The following CABLES1 variants were observed in gnomAD, a reference collection of about 807,000 sequenced individuals.
CABLES1 encodes CDK5 and ABL1 enzyme substrate 1.
Under a neutral mutation model 57.8 loss-of-function variants are expected in CABLES1, and 36 were observed. That is an observed-to-expected ratio of 0.62 (90% CI 0.48 to 0.82). The LOEUF (loss-of-function observed/expected upper bound fraction) is 0.82. CABLES1 is among the 40% of genes least tolerant of loss of function. CABLES1 has a pLI of 0.00. For missense variants in CABLES1, 767 were observed against 836.6 expected (o/e 0.92, Z 1.03); for synonymous variants, 374 against 363.0 (o/e 1.03, Z -0.35).
At chr18:23,174,000 G>GTTT (rs2047102388) in intron 1 of CABLES1, among the ~76,000 whole-genome samples, 1 of 152,172 alleles carries the variant, frequency 6.6e-6, no homozygotes, top group East Asian at 1.9e-4. Flanking sequence ...TTGTTCAGTG[G>GTTT]TTTTTAGTAC....
At chr18:23,236,481 T>C (rs1382213143) in intron 6 of CABLES1, among the ~76,000 whole-genome samples, 1 of 152,162 alleles carries the variant, frequency 6.6e-6, no homozygotes, top group Non-Finnish European at 1.5e-5. Context: ...TGAGCTGAGT[T>C]GGCGGCTGAA....
intron 1 of CABLES1, among the ~76,000 whole-genome samples, chr18:23,187,845 C>T (rs542420081): frequency 1.3e-5 from 2 of 152,164 alleles, no homozygotes; most frequent in Non-Finnish European, 2.9e-5. Context: ...AGAAAAAGTA[C>T]ACACAAAATT....
At chr18:23,237,907 C>T (rs2047643459) in intron 7 of CABLES1, among the ~76,000 whole-genome samples, 1 of 151,666 alleles carries the variant, frequency 6.6e-6, no homozygotes, top group Admixed American at 6.6e-5. Flanking sequence ...ACTCTTGCGG[C>T]AAGCAGAGCC....
At chr18:23,160,730 C>T (rs533599951) in intron 1 of CABLES1, among the ~76,000 whole-genome samples, 1 of 152,144 alleles carries the variant, frequency 6.6e-6, no homozygotes, top group Non-Finnish European at 1.5e-5. Context: ...ATCAAAGTCT[C>T]ACTCTGAAAA....
chr18:23,223,732 G>A (rs1301087371), intron 4 of CABLES1, among the ~76,000 whole-genome samples: 4 of 151,770 alleles, frequency 2.6e-5, no homozygotes, highest in Admixed American at 6.6e-5. Context: ...CCACCCACCC[G>A]CACTCATCCA....
intron 1 of CABLES1, among the ~76,000 whole-genome samples, chr18:23,181,081 C>A (rs981608338): frequency 2.6e-5 from 4 of 152,140 alleles, no homozygotes; most frequent in Non-Finnish European, 4.4e-5. Context: ...AGTGGGACTT[C>A]TTGCTGTCCA....
At chr18:23,229,549 C>G (rs2047552319) in intron 4 of CABLES1, among the ~76,000 whole-genome samples, 1 of 152,218 alleles carries the variant, frequency 6.6e-6, no homozygotes. Context: ...TTCTCTAGCT[C>G]TATTTCCTGG....
chr18:23,240,934 T>C (rs1306801938), intron 7 of CABLES1, among the ~76,000 whole-genome samples: 1 of 152,234 alleles, frequency 6.6e-6, no homozygotes, highest in Non-Finnish European at 1.5e-5. Flanking sequence ...GACAATCAGA[T>C]GCACTTGTTT....
intron 1 of CABLES1, among the ~76,000 whole-genome samples, chr18:23,137,590 T>G (rs1189278503): frequency 1.3e-5 from 2 of 152,234 alleles, no homozygotes; most frequent in Non-Finnish European, 2.9e-5. Flanking sequence ...TTATCCCTTC[T>G]GGGAAAGAAT....
At chr18:23,241,288 G>A (rs572060891) in intron 7 of CABLES1, among the ~76,000 whole-genome samples, 1 of 151,980 alleles carries the variant, frequency 6.6e-6, no homozygotes, top group African/African-American at 2.4e-5. Context: ...TTGGGAGGCC[G>A]AGGTGGGTAA....
At chr18:23,201,491 T>A (rs1050890566) in intron 3 of CABLES1, among the ~76,000 whole-genome samples, 1 of 152,062 alleles carries the variant, frequency 6.6e-6, no homozygotes, top group African/African-American at 2.4e-5. Flanking sequence ...AATGAGCCAA[T>A]CACGAAAGGT....
At chr18:23,237,566 C>A (rs2047634520) in intron 7 of CABLES1, among the ~76,000 whole-genome samples, 1 of 152,234 alleles carries the variant, frequency 6.6e-6, no homozygotes, top group African/African-American at 2.4e-5. Context: ...CAGGCCCATC[C>A]CTGGTAGCGC....
intron 7 of CABLES1, among the ~76,000 whole-genome samples, chr18:23,243,951 A>G (rs1282445167): frequency 4.0e-5 from 6 of 151,644 alleles, no homozygotes; most frequent in Non-Finnish European, 8.8e-5. Flanking sequence ...CTCTCTATGT[A>G]TTTGTCTCAG....
At chr18:23,224,754 A>C (rs2145068698) in intron 4 of CABLES1, among the ~76,000 whole-genome samples, 1 of 152,012 alleles carries the variant, frequency 6.6e-6, no homozygotes, top group African/African-American at 2.4e-5. Context: ...TATTTTTAGT[A>C]GAGACGGGGT....
intron 1 of CABLES1, among the ~76,000 whole-genome samples, chr18:23,174,756 G>A (rs1411757657): frequency 1.3e-5 from 2 of 148,488 alleles, no homozygotes; most frequent in Admixed American, 6.8e-5. Context: ...ACAGGTGTGA[G>A]CCCACCGCGC....
At chr18:23,155,940 C>G (rs1369387726) in intron 1 of CABLES1, 2 of 1,614,186 alleles carry the variant, frequency 1.2e-6, no homozygotes, top group Admixed American at 1.7e-5. Context: ...AGAATATATG[C>G]TGATTTTCCC....
intron 9 of CABLES1, among the ~76,000 whole-genome samples, chr18:23,255,343 T>C (rs1365516098): frequency 6.6e-6 from 1 of 152,108 alleles, no homozygotes. Flanking sequence ...TGTCTAGCTG[T>C]CTTCAGTGGC....
At chr18:23,223,422 C>T (rs1464925501) in intron 4 of CABLES1, among the ~76,000 whole-genome samples, 2 of 151,736 alleles carry the variant, frequency 1.3e-5, no homozygotes, top group African/African-American at 4.8e-5. Flanking sequence ...TACTAAAATA[C>T]AAAAAATTAG....
At chr18:23,169,297 T>G (rs535545860) in intron 1 of CABLES1, among the ~76,000 whole-genome samples, 1 of 152,330 alleles carries the variant, frequency 6.6e-6, no homozygotes, top group East Asian at 1.9e-4. Context: ...GTCATTCTTT[T>G]GTTTCTTTAC....
Sources: allele counts gnomAD v4.1 joint callset (sites outside exome capture counted in the v4.1 genomes callset), GRCh38; gene constraint gnomAD v4.1.1; transcripts MANE v1.5; gene names NCBI Gene and HGNC (gene_info 2026-07-23, HGNC 2026-07-21).